Variants in COG3 observed in about 807,000 individuals in gnomAD.
The protein encoded by COG3 is conserved oligomeric Golgi complex subunit 3.
A neutral mutation model predicts 114.1 loss-of-function variants in COG3; 32 were observed. The observed-to-expected ratio is 0.28, with a 90% CI of 0.21 to 0.38. The LOEUF is 0.38. Ranked by LOEUF, COG3 falls within the 10% of genes least tolerant of loss-of-function variation. COG3 has a pLI of 1.00. For missense variants in COG3, 813 were observed against 973.2 expected, an observed-to-expected ratio of 0.84 and a Z score of 2.19; for synonymous variants, 352 against 365.7, an observed-to-expected ratio of 0.96 and a Z score of 0.43.
chr13:45,505,345 A>G (rs966139361), intron 14 of COG3, among the ~76,000 whole-genome samples: 1 of 145,694 alleles, frequency 6.9e-6, no homozygotes, highest in Admixed American at 7.0e-5. Flanking sequence ...TCTGTTGCCC[A>G]GGCTGGAGTG....
intron 14 of COG3, among the ~76,000 whole-genome samples, chr13:45,504,789 T>C (rs1869943879): frequency 6.6e-6 from 1 of 152,316 alleles, no homozygotes; most frequent in Admixed American, 6.5e-5. Flanking sequence ...CCATTGAGCG[T>C]GTGAAATGTG....
chr13:45,472,133 T>G (rs961514961), intron 1 of COG3, among the ~76,000 whole-genome samples: 1 of 152,250 alleles, frequency 6.6e-6, no homozygotes, highest in Non-Finnish European at 1.5e-5. Context: ...TTTGGCACTT[T>G]AAAGATGTCG....
chr13:45,512,301 A>G (rs1238746480), intron 16 of COG3, among the ~76,000 whole-genome samples: 2 of 152,180 alleles, frequency 1.3e-5, no homozygotes, highest in African/African-American at 2.4e-5. Context: ...TTGTGTGACT[A>G]GAAGGAGTCA....
At chr13:45,519,244 A>G in intron 19 of COG3, 150 bp downstream of exon 19, 2 of 903,716 alleles carry the variant, frequency 2.2e-6, no homozygotes, top group Non-Finnish European at 3.3e-6. Context: ...GTTTCCTATT[A>G]TGGAAGCTTT....
intron 2 of COG3, among the ~76,000 whole-genome samples, chr13:45,478,486 T>G (rs1268791020): frequency 6.7e-6 from 1 of 150,222 alleles, no homozygotes; most frequent in Non-Finnish European, 1.5e-5. Flanking sequence ...GCCTTTTTTT[T>G]TTTTGAGACA....
chr13:45,509,656 G>A lies in COG3; in HGVS notation c.1595-36G>A, dbSNP rs553358457. ...ATTATTGTAAGACAAATATCCACAT[G>A]TGTGAAATGTGTCTTCTTTTCCACT... On this transcript the variant is annotated intron_variant, in intron 14 of 22. Transcript: ENST00000349995. 1.9e-6 allele frequency: 3 copies of A among 1,608,200 alleles called. 1 individual carries two copies. The highest frequency in any genetic ancestry group is 2.2e-5 in the South Asian group (2 of 90,418).
rs1398831596 is a variant in COG3, at chr13:45,529,720, C to T, written c.2231-71C>T. ...CTGCTATTTTTTTCTCCCTTTATTC[C>T]CCTTTGAATTAAAATGGAAATATTT... On this transcript the variant is annotated intron_variant, in intron 20 of 22. Transcript: ENST00000349995. The T allele has an allele frequency of 2.2e-5, 25 of 1,138,194 alleles. No homozygotes were observed. The Admixed American group carries it at 2.4e-4, about 11-fold the overall frequency. 70.5% of individuals were successfully genotyped at this position (1,138,194 alleles called of 1,614,324 possible).
Position 45,496,161 on chromosome 13 carries a change from T to G in COG3, c.1337T>G (p.Leu446Arg). 6.2e-7 allele frequency: 1 copy of G among 1,607,520 alleles called. No homozygotes were observed. Among genetic ancestry groups the G allele is most frequent in the South Asian group, 1.1e-5 (1 of 90,232 alleles). The change falls in exon 13 of 23, where the codon CTG (leucine) becomes CGG (arginine). Residue 446 changes from leucine (L) to arginine (R), a missense_variant. By Grantham distance (102) the Leu-to-Arg change is moderately radical. This residue lies in a region of COG3 where 389 missense variants were observed against 542.6 expected (regional missense o/e 0.72). Transcript: ENST00000349995. ...TGCACTTTTTTATCAGCTGAGCAACTGGGGGCATTTGCAGCTGGAGTCAAG... is the reference window on the plus strand; with the variant it reads ...TGCACTTTTTTATCAGCTGAGCAACGGGGGGCATTTGCAGCTGGAGTCAAG... The part of the protein sequence containing the change: ...EDHVQNNAEQ[L>R]GAFAAGVKQM...
intron 19 of COG3, among the ~76,000 whole-genome samples, chr13:45,523,680 T>A (rs565093943): frequency 2.0e-5 from 3 of 152,340 alleles, no homozygotes; most frequent in African/African-American, 7.2e-5. Flanking sequence ...TGAAATTGGT[T>A]AAATTCTGGA....
intron 20 of COG3, among the ~76,000 whole-genome samples, chr13:45,528,957 T>C (rs145706945): frequency 1.1e-3 from 169 of 152,350 alleles, no homozygotes; most frequent in South Asian, 5.4e-3. Flanking sequence ...TTTTGCTAGA[T>C]AGCGCCTAAT....
chr13:45,493,586 T>A, intron 12 of COG3, 100 bp downstream of exon 12: 1 of 1,068,346 alleles, frequency 9.4e-7, no homozygotes, highest in Non-Finnish European at 1.3e-6. Context: ...ATAGATAAAT[T>A]TAATATTTTT....
chr13:45,484,559 T>C (rs1886447521), intron 7 of COG3, among the ~76,000 whole-genome samples: 1 of 148,328 alleles, frequency 6.7e-6, no homozygotes, highest in Admixed American at 6.6e-5. Context: ...CTTCCTGAGA[T>C]TTTTCTCCCT....
rs186264753 is a variant in COG3 at position 45,513,426 on chromosome 13, T to C, written c.1809+1572T>C. ...ATATAATATATACATATAAATTATA[T>C]ATATAATATATACATATAAATTATA... is the stretch of plus-strand genomic sequence containing the variant. On this transcript the variant is annotated intron_variant, in intron 16 of 22. Coordinates refer to ENST00000349995, the MANE Select transcript of COG3 (RefSeq NM_031431.4). Among the ~76,000 whole-genome samples the C allele has an allele frequency of 6.1e-4, 60 of 97,984 alleles. 1 individual carries two copies. The highest frequency in any genetic ancestry group is 2.8e-3 in the African/African-American group (45 of 16,112). 64.3% of individuals were successfully genotyped at this position (97,984 alleles called of 152,430 possible). A position where few individuals can be genotyped will look rare whatever the true frequency, so the allele number is the denominator to read the frequency against.
At chr13:45,532,167 C>T (rs1407963688) in intron 22 of COG3, 1 of 151,992 alleles carries the variant, frequency 6.6e-6, no homozygotes, top group African/African-American at 2.4e-5. Flanking sequence ...AAGGCTCATC[C>T]GTGTTGTATG....
chr13:45,500,324 A>G (rs1382185132), intron 13 of COG3, among the ~76,000 whole-genome samples: 1 of 152,098 alleles, frequency 6.6e-6, no homozygotes, highest in African/African-American at 2.4e-5. Context: ...ATCTTGCTTA[A>G]TTAGTTTATA....
At chr13:45,475,763 G>C (rs1318403140) in intron 1 of COG3, among the ~76,000 whole-genome samples, 1 of 151,726 alleles carries the variant, frequency 6.6e-6, no homozygotes, top group Non-Finnish European at 1.5e-5. Flanking sequence ...CCAGGAGTTT[G>C]AGACCAGCCT....
intron 22 of COG3, chr13:45,534,394 AT>A (rs1181154908): frequency 1.2e-5 from 3 of 245,014 alleles, no homozygotes; most frequent in African/African-American, 6.7e-5. Flanking sequence ...TGCCTCAGAA[AT>A]AGACCAACAT....
At chr13:45,482,597 T>C (rs1886319029) in intron 6 of COG3, 124 bp downstream of exon 6, 2 of 503,436 alleles carry the variant, frequency 4.0e-6, no homozygotes. Flanking sequence ...CTTCTTGTGC[T>C]GTAAAGTGAT....
intron 15 of COG3, 103 bp from the exon 16 acceptor site, chr13:45,511,662 T>C: frequency 3.7e-6 from 3 of 818,394 alleles, no homozygotes; most frequent in Non-Finnish European, 6.0e-6. Flanking sequence ...AATCCAACCA[T>C]GAGGGCAAGC....
Sources: allele counts gnomAD v4.1 joint callset (sites outside exome capture counted in the v4.1 genomes callset), GRCh38; gene constraint gnomAD v4.1.1; regional missense constraint gnomAD v4.1.1; transcripts MANE v1.5; gene names NCBI Gene and HGNC (gene_info 2026-07-23, HGNC 2026-07-21).